Variants in MACROD2 observed in about 807,000 individuals in gnomAD.
MACROD2 encodes the protein mono-ADP ribosylhydrolase 2.
Under a neutral mutation model 70.4 loss-of-function variants are expected in MACROD2, and 36 were observed. The observed-to-expected ratio is 0.51, with a 90% CI of 0.39 to 0.68. The LOEUF (loss-of-function observed/expected upper bound fraction) is 0.68, where lower values mean the gene tolerates loss of function less well. Ranked by LOEUF, MACROD2 falls within the 30% of genes least tolerant of loss-of-function variation. The pLI is 0.00. For missense variants in MACROD2, 496 were observed against 538.4 expected (o/e 0.92, Z 0.78); for synonymous variants, 172 against 178.8 (o/e 0.96, Z 0.30).
At chr20:14,967,469 T>TTTCG (rs1450879847) in intron 5 of MACROD2, among the ~76,000 whole-genome samples, 4 of 151,016 alleles carry the variant, frequency 2.6e-5, no homozygotes, top group African/African-American at 4.9e-5. Flanking sequence ...TGGCCGGTAG[T>TTTCG]TTTGTTTGTT....
At chr20:14,060,153 T>C (rs1169188230) in intron 2 of MACROD2, among the ~76,000 whole-genome samples, 2 of 152,196 alleles carry the variant, frequency 1.3e-5, no homozygotes, top group African/African-American at 4.8e-5. Flanking sequence ...TGAAGTTACT[T>C]TCATATAACT....
chr20:14,663,382 A>G (rs1986326629), intron 4 of MACROD2, among the ~76,000 whole-genome samples: 2 of 151,940 alleles, frequency 1.3e-5, no homozygotes, highest in Non-Finnish European at 2.9e-5. Context: ...AATGGATACT[A>G]GGCTTAATAT....
chr20:15,930,606 T>C (rs2065561012), intron 10 of MACROD2, among the ~76,000 whole-genome samples: 1 of 152,224 alleles, frequency 6.6e-6, no homozygotes, highest in Non-Finnish European at 1.5e-5. Context: ...GCATTTGCTC[T>C]GTGATAAATG....
At chr20:14,739,430 T>G (rs995348552) in intron 5 of MACROD2, among the ~76,000 whole-genome samples, 2 of 151,924 alleles carry the variant, frequency 1.3e-5, no homozygotes, top group African/African-American at 2.4e-5. Context: ...TATATATTAA[T>G]AACAATGTTA....
chr20:15,029,169 C>G (rs2075255845), intron 5 of MACROD2, among the ~76,000 whole-genome samples: 1 of 152,170 alleles, frequency 6.6e-6, no homozygotes, highest in East Asian at 1.9e-4. Context: ...AGGCCCTCAA[C>G]CTAACTGCCA....
At chr20:15,590,542 C>T (rs556940923) in intron 8 of MACROD2, among the ~76,000 whole-genome samples, 1 of 152,254 alleles carries the variant, frequency 6.6e-6, no homozygotes, top group East Asian at 1.9e-4. Flanking sequence ...CTGGTGCAGT[C>T]AACATGAATT....
chr20:15,239,524 A>G (rs1380581843), intron 6 of MACROD2, among the ~76,000 whole-genome samples: 1 of 152,190 alleles, frequency 6.6e-6, no homozygotes, highest in African/African-American at 2.4e-5. Context: ...TCAAAGTGGT[A>G]TAGTTTGAAT....
chr20:15,457,015 G>A (rs997427155), intron 7 of MACROD2, among the ~76,000 whole-genome samples: 3 of 149,930 alleles, frequency 2.0e-5, no homozygotes, highest in African/African-American at 7.4e-5. Context: ...AAAGACTGAG[G>A]TATGAAAAGG....
chr20:15,377,343 A>G (rs192299882), intron 6 of MACROD2, among the ~76,000 whole-genome samples: 147 of 152,350 alleles, frequency 9.6e-4, no homozygotes, highest in African/African-American at 3.4e-3. Context: ...AAAAAGAAAA[A>G]GAGAAAAGAG....
intron 3 of MACROD2, among the ~76,000 whole-genome samples, chr20:14,351,920 G>A (rs1423769510): frequency 1.3e-5 from 2 of 152,086 alleles, no homozygotes; most frequent in Non-Finnish European, 2.9e-5. Flanking sequence ...AGTTATTTGA[G>A]GGTGTTTATC....
chr20:14,191,564 T>G (rs2081388287), intron 3 of MACROD2, among the ~76,000 whole-genome samples: 1 of 152,048 alleles, frequency 6.6e-6, no homozygotes, highest in Admixed American at 6.5e-5. Context: ...AATATATATT[T>G]TGAGAAATAG....
At position 15,094,104 on chromosome 20, in the gene MACROD2, C is replaced by T. The variant is rs1052030273; in HGVS notation, c.419-135836C>T. On this transcript the variant is annotated intron_variant, in intron 5 of 17. Transcript: ENST00000684519. ...TTCACATTAATTCTTGATGCAGACA[C>T]AGCCATAACAAATAAATCACTTCCT... Among the ~76,000 whole-genome samples, 3 of 152,204 alleles carry T rather than the reference C, an allele frequency of 2.0e-5. No individual in the cohort carries two copies. The East Asian group carries it at 5.8e-4, about 29-fold the overall frequency.
chr20:15,404,485 G>A (rs1375881937), intron 6 of MACROD2, among the ~76,000 whole-genome samples: 2 of 152,196 alleles, frequency 1.3e-5, no homozygotes, highest in African/African-American at 2.4e-5. Context: ...TGACAATTAC[G>A]GTAGGACCAC....
At chr20:14,616,801 G>A (rs1203556400) in intron 4 of MACROD2, among the ~76,000 whole-genome samples, 1 of 151,986 alleles carries the variant, frequency 6.6e-6, no homozygotes. Context: ...TCATCTTAAT[G>A]TCTAGGGTAT....
intron 2 of MACROD2, among the ~76,000 whole-genome samples, chr20:14,021,497 G>T (rs1052446468): frequency 2.0e-5 from 3 of 152,136 alleles, no homozygotes; most frequent in Admixed American, 6.5e-5. Context: ...CCCCAGAAGG[G>T]TTAGAACTAC....
chr20:14,865,646 A>T lies in MACROD2; in HGVS notation c.418+180687A>T, dbSNP rs576718547. ...TTTAATAATCACTATTTTAAAACTTAATTACTACTACTATTGATAATAATA... is the reference window on the plus strand; with the variant it reads ...TTTAATAATCACTATTTTAAAACTTTATTACTACTACTATTGATAATAATA... On this transcript the variant is annotated intron_variant, in intron 5 of 17. Transcript: ENST00000684519. Among the ~76,000 whole-genome samples the T allele has an allele frequency of 4.6e-5, 7 of 152,168 alleles. No individual in the cohort carries two copies. The South Asian group carries it at 1.2e-3, about 27-fold the overall frequency.
At chr20:14,660,199 T>C (rs976328736) in intron 4 of MACROD2, among the ~76,000 whole-genome samples, 4 of 152,234 alleles carry the variant, frequency 2.6e-5, no homozygotes, top group Non-Finnish European at 4.4e-5. Context: ...TCATACTTTG[T>C]TACTGATGAG....
At chr20:14,274,162 T>C (rs1167048477) in intron 3 of MACROD2, among the ~76,000 whole-genome samples, 3 of 152,184 alleles carry the variant, frequency 2.0e-5, no homozygotes, top group Non-Finnish European at 2.9e-5. Context: ...AGCATCATCC[T>C]GATACCAAAG....
intron 6 of MACROD2, among the ~76,000 whole-genome samples, chr20:15,383,564 A>G (rs1157015287): frequency 1.3e-5 from 2 of 152,226 alleles, no homozygotes; most frequent in Non-Finnish European, 2.9e-5. Flanking sequence ...ATTAAGGGAC[A>G]TAGTGGATGA....
Sources: allele counts gnomAD v4.1 joint callset (sites outside exome capture counted in the v4.1 genomes callset), GRCh38; gene constraint gnomAD v4.1.1; transcripts MANE v1.5; gene names NCBI Gene and HGNC (gene_info 2026-07-23, HGNC 2026-07-21).